RELN: variants seen among roughly 807,000 people sequenced by gnomAD.
The protein encoded by RELN is reelin.
A neutral mutation model predicts 427.6 loss-of-function variants in RELN; 108 were observed. The observed-to-expected ratio is 0.25, with a 90% CI of 0.22 to 0.30. RELN has a LOEUF of 0.30. RELN is among the 10% of genes least tolerant of loss of function. The pLI, the probability that RELN is intolerant of heterozygous loss-of-function variation, is 1.00. For synonymous variants in RELN, 1,524 were observed against 1,513.4 expected (o/e 1.01, Z -0.16); for missense variants, 3,715 against 4,302.8 (o/e 0.86, Z 3.82).
chr7:103,549,653 T>C (rs1380155345), intron 41 of RELN, among the ~76,000 whole-genome samples: 1 of 152,208 alleles, frequency 6.6e-6, no homozygotes, highest in Non-Finnish European at 1.5e-5. Context: ...ATGAAAGCTC[T>C]GGTTTGCCAA....
chr7:103,544,277 C>T (rs1011434864), intron 42 of RELN, among the ~76,000 whole-genome samples: 7 of 115,472 alleles, frequency 6.1e-5, no homozygotes, highest in African/African-American at 1.6e-4. Context: ...CTCGCTCTGT[C>T]GCCCAGGCTA....
At chr7:103,798,033 A>G (rs902764274) in intron 3 of RELN, among the ~76,000 whole-genome samples, 1 of 152,182 alleles carries the variant, frequency 6.6e-6, no homozygotes, top group Non-Finnish European at 1.5e-5. Context: ...TTGGTCAGCC[A>G]TCATTTTGCT....
intron 10 of RELN, among the ~76,000 whole-genome samples, chr7:103,684,764 T>C (rs1277074174): frequency 6.6e-6 from 1 of 152,178 alleles, no homozygotes; most frequent in Admixed American, 6.6e-5. Flanking sequence ...TATGAGGAAA[T>C]GCATTTTGAA....
intron 3 of RELN, among the ~76,000 whole-genome samples, chr7:103,832,710 G>A (rs770506299): frequency 6.6e-6 from 1 of 152,086 alleles, no homozygotes; most frequent in Non-Finnish European, 1.5e-5. Flanking sequence ...ATGCTCTTGA[G>A]AACACTGTTC....
intron 2 of RELN, among the ~76,000 whole-genome samples, chr7:103,864,959 C>T (rs1015549912): frequency 7.9e-5 from 12 of 151,092 alleles, no homozygotes; most frequent in African/African-American, 1.9e-4. Context: ...TGTGAAATCC[C>T]GTCTCTACTA....
In RELN at chr7:103,813,462, G is replaced by A. The variant is rs192272286; in HGVS notation, c.473+20075C>T. On this transcript the variant is annotated intron_variant, in intron 3 of 64. Coordinates refer to ENST00000428762, the MANE Select transcript of RELN (RefSeq NM_005045.4). ...ATCTTCAGATGGAGAAGCTGAGGTA[G>A]AGAAGGCAATCACATCAGAACTTTA... Among the ~76,000 whole-genome samples the A allele has an allele frequency of 9.8e-4, 149 of 152,254 alleles. 2 individuals carry two copies. Among genetic ancestry groups the A allele is most frequent in the African/African-American group, 3.5e-3 (144 of 41,562 alleles).
chr7:103,653,749 G>A (rs1832970082), intron 13 of RELN, among the ~76,000 whole-genome samples: 1 of 151,928 alleles, frequency 6.6e-6, no homozygotes, highest in Admixed American at 6.6e-5. Flanking sequence ...CAAAATGCTG[G>A]ACAAATACTC....
intron 12 of RELN, among the ~76,000 whole-genome samples, chr7:103,658,469 C>T (rs563929077): frequency 6.6e-6 from 1 of 152,070 alleles, no homozygotes; most frequent in Non-Finnish European, 1.5e-5. Context: ...CCAGTCCTAT[C>T]CTATCTATCC....
At chr7:103,892,177 T>C (rs1307434773) in intron 2 of RELN, among the ~76,000 whole-genome samples, 3 of 152,332 alleles carry the variant, frequency 2.0e-5, no homozygotes, top group Middle Eastern at 6.8e-3. Flanking sequence ...TTTCCTTCTT[T>C]AATCAGTTGG....
In RELN at chr7:103,540,406, G is replaced by A. The variant is rs1830152580; in HGVS notation, c.6721C>T (p.Pro2241Ser). ...RLGCGKGVPD[P>S]RSQPVLLQYS... ...TGTAGGAGCACGGGTTGACTCCTGG[G>A]GTCAGGAACGCCTTTACCACATCCC... The change falls in exon 44 of 65, where the codon CCC (proline) becomes TCC (serine). Residue 2241 changes from proline (P) to serine (S), a missense_variant. Transcript: ENST00000428762. The A allele has an allele frequency of 1.2e-6, 2 of 1,613,890 alleles. No individual in the cohort carries two copies. Among genetic ancestry groups the A allele is most frequent in the Non-Finnish European group, 1.7e-6 (2 of 1,179,864 alleles).
intron 45 of RELN, among the ~76,000 whole-genome samples, chr7:103,538,835 A>G (rs561115957): frequency 6.6e-6 from 1 of 152,336 alleles, no homozygotes; most frequent in East Asian, 1.9e-4. Context: ...ACTGTATAAA[A>G]TAAGTCTTCA....
chr7:103,525,269 A>ATTTCTCTCTC (rs1829797370), intron 46 of RELN, among the ~76,000 whole-genome samples: 2 of 152,240 alleles, frequency 1.3e-5, no homozygotes, highest in Non-Finnish European at 2.9e-5. Context: ...CTCTCATAGC[A>ATTTCTCTCTC]AACTATTGTT....
intron 20 of RELN, among the ~76,000 whole-genome samples, chr7:103,624,284 T>A (rs1180408242): frequency 2.0e-5 from 3 of 152,176 alleles, no homozygotes; most frequent in African/African-American, 7.2e-5. Flanking sequence ...ACACTGCAAC[T>A]GTTCTCTTCA....
At chr7:103,680,761 T>G (rs1042273334) in intron 11 of RELN, among the ~76,000 whole-genome samples, 6 of 151,852 alleles carry the variant, frequency 4.0e-5, no homozygotes, top group African/African-American at 1.4e-4. Flanking sequence ...AACAGTGGTT[T>G]CTGGCGTCTC....
chr7:103,712,980 G>T (rs539258835), intron 8 of RELN, among the ~76,000 whole-genome samples: 2 of 152,202 alleles, frequency 1.3e-5, no homozygotes, highest in African/African-American at 4.8e-5. Context: ...TTATCTTGGG[G>T]ATTGGTAGTG....
intron 1 of RELN, among the ~76,000 whole-genome samples, chr7:103,940,160 T>C (rs1301101859): frequency 6.6e-6 from 1 of 152,206 alleles, no homozygotes; most frequent in African/African-American, 2.4e-5. Context: ...CTCGGTAATT[T>C]ACTGGGGTTG....
At chr7:103,723,005 T>C (rs771745852) in intron 8 of RELN, 135 bp downstream of exon 8, 246 of 652,490 alleles carry the variant, frequency 3.8e-4, no homozygotes, top group Non-Finnish European at 6.3e-4. Context: ...AAAAATGTTG[T>C]AGATTATTTA....
At chr7:103,904,122 T>A (rs1229941411) in intron 2 of RELN, among the ~76,000 whole-genome samples, 2 of 152,158 alleles carry the variant, frequency 1.3e-5, no homozygotes, top group African/African-American at 4.8e-5. Flanking sequence ...TTTCTATTCC[T>A]GTGTTAGTTT....
intron 2 of RELN, among the ~76,000 whole-genome samples, chr7:103,913,784 T>C (rs1251274167): frequency 1.3e-5 from 2 of 152,234 alleles, no homozygotes; most frequent in Non-Finnish European, 2.9e-5. Flanking sequence ...AACTTTGTTA[T>C]ATAATATCCA....
Sources: gnomAD v4.1 joint callset for allele counts (sites outside exome capture counted in the v4.1 genomes callset) on GRCh38, gnomAD v4.1.1 for gene constraint, MANE v1.5 for transcripts, NCBI Gene and HGNC (gene_info 2026-07-23, HGNC 2026-07-21) for gene names.